NAV3: variants seen among roughly 807,000 people sequenced by gnomAD.
NAV3 encodes the protein pore membrane and/or filament interacting like protein 1.
Under a neutral mutation model 244.7 loss-of-function variants are expected in NAV3, and 87 were observed. That is an observed-to-expected ratio of 0.36 (90% CI 0.30 to 0.42). NAV3 has a LOEUF of 0.42. Among genes scored for constraint, NAV3 ranks in the 20% least tolerant of loss-of-function variants. The pLI is 1.00. For missense variants in NAV3, 2,663 were observed against 2,893.3 expected, an observed-to-expected ratio of 0.92 and a Z score of 1.83; for synonymous variants, 1,126 against 1,042.2, an observed-to-expected ratio of 1.08 and a Z score of -1.55.
intron 12 of NAV3, among the ~76,000 whole-genome samples, chr12:78,100,643 G>A (rs1954491328): frequency 6.6e-6 from 1 of 151,834 alleles, no homozygotes; most frequent in South Asian, 2.1e-4. Context: ...TCATTTTACT[G>A]CTCAATACTA....
chr12:77,762,605 A>G, intron 2 of NAV3, among the ~76,000 whole-genome samples: 1 of 151,954 alleles, frequency 6.6e-6, no homozygotes, highest in Non-Finnish European at 1.5e-5. Context: ...CCGCCTCAAA[A>G]AAGAAAAAAA....
At chr12:77,734,594 T>A (rs970124634) in intron 2 of NAV3, among the ~76,000 whole-genome samples, 1 of 152,182 alleles carries the variant, frequency 6.6e-6, no homozygotes, top group African/African-American at 2.4e-5. Context: ...GAGCAGATGA[T>A]CTACAACCTG....
In NAV3 at chr12:77,862,001, C is replaced by T. The variant is rs1488623221; in HGVS notation, c.243+30297C>T. Among the ~76,000 whole-genome samples the T allele has an allele frequency of 4.0e-5, 6 of 151,802 alleles. No homozygotes were observed. The East Asian group carries it at 9.7e-4, about 24-fold the overall frequency. ...TACTATCGAAAGTCAAGAAGGTATT[C>T]CACACACACATGAATATACTTTTCT... On this transcript the variant is annotated intron_variant, in intron 1 of 39. Transcript: ENST00000397909.
intron 5 of NAV3, among the ~76,000 whole-genome samples, chr12:77,984,995 T>G (rs1870234494): frequency 6.6e-6 from 1 of 152,136 alleles, no homozygotes; most frequent in Non-Finnish European, 1.5e-5. Flanking sequence ...TTTTTGTATT[T>G]TTAGTACAGA....
At chr12:77,797,764 G>A (rs1201730341) in intron 2 of NAV3, among the ~76,000 whole-genome samples, 1 of 151,286 alleles carries the variant, frequency 6.6e-6, no homozygotes, top group Admixed American at 6.6e-5. Context: ...TTGCTTGAAC[G>A]TGAGGCAGAG....
intron 24 of NAV3, among the ~76,000 whole-genome samples, chr12:78,171,574 A>T (rs1957999375): frequency 6.6e-6 from 1 of 151,590 alleles, no homozygotes; most frequent in Non-Finnish European, 1.5e-5. Context: ...TATATATAGG[A>T]TAGTTAGATT....
chr12:78,113,648 C>A (rs942622325), intron 12 of NAV3, among the ~76,000 whole-genome samples: 5 of 152,090 alleles, frequency 3.3e-5, no homozygotes, highest in African/African-American at 1.2e-4. Flanking sequence ...GGACCCAGCC[C>A]ACAAAACCAA....
intron 2 of NAV3, among the ~76,000 whole-genome samples, chr12:77,784,540 A>G (rs538001414): frequency 1.3e-5 from 2 of 152,302 alleles, no homozygotes; most frequent in Non-Finnish European, 2.9e-5. Flanking sequence ...TGCTTTGGGT[A>G]GGGCAGGGAA....
At chr12:77,932,538 G>T (rs949697818) in intron 1 of NAV3, among the ~76,000 whole-genome samples, 2 of 152,062 alleles carry the variant, frequency 1.3e-5, no homozygotes, top group Non-Finnish European at 2.9e-5. Flanking sequence ...AAGATTTTTT[G>T]TTCTTGCTGT....
chr12:77,779,315 C>A (rs1276666878), intron 2 of NAV3, among the ~76,000 whole-genome samples: 1 of 152,182 alleles, frequency 6.6e-6, no homozygotes, highest in East Asian at 1.9e-4. Flanking sequence ...GGTGTAAAAC[C>A]AACCATTCCA....
In NAV3 at chr12:78,113,883, A is replaced by T. The variant is rs2694677; in HGVS notation, c.2637-2889A>T. Reference sequence around the variant, plus strand: ...ACTTTTATGCTCTGCTTCCCTTTTAAAATTAAGTTCCAATTCCAAACCATA... The same window carrying T: ...ACTTTTATGCTCTGCTTCCCTTTTATAATTAAGTTCCAATTCCAAACCATA... On this transcript the variant is annotated intron_variant, in intron 12 of 39. Transcript: ENST00000397909. Among the ~76,000 whole-genome samples, 640 of 152,160 alleles carry T rather than the reference A, an allele frequency of 4.2e-3. 2 individuals are homozygous for T. The highest frequency in any genetic ancestry group is 6.6e-3 in the Non-Finnish European group (447 of 68,004).
chr12:78,156,240 TATTA>T (rs539182472), intron 22 of NAV3, among the ~76,000 whole-genome samples: 9 of 152,250 alleles, frequency 5.9e-5, no homozygotes, highest in African/African-American at 1.9e-4. Context: ...CAGCACCATT[TATTA>T]ATTGTTTTTT....
At chr12:78,149,859 T>A (rs928852142) in intron 22 of NAV3, among the ~76,000 whole-genome samples, 2 of 152,100 alleles carry the variant, frequency 1.3e-5, no homozygotes, top group Admixed American at 6.6e-5. Flanking sequence ...AAATTTTTTT[T>A]AAGCTATCAT....
intron 8 of NAV3, among the ~76,000 whole-genome samples, chr12:78,009,569 C>T (rs1001398127): frequency 3.3e-5 from 5 of 151,606 alleles, no homozygotes; most frequent in Non-Finnish European, 5.9e-5. Flanking sequence ...AATGCCACCA[C>T]TGATCAGTTG....
chr12:77,585,473 T>G (rs1256762920), intron 2 of NAV3, among the ~76,000 whole-genome samples: 1 of 137,156 alleles, frequency 7.3e-6, no homozygotes, highest in East Asian at 2.1e-4. Flanking sequence ...GAAAATTTCT[T>G]GTTAAGAAAG....
intron 2 of NAV3, among the ~76,000 whole-genome samples, chr12:77,805,259 A>G (rs546708144): frequency 6.6e-6 from 1 of 152,314 alleles, no homozygotes; most frequent in East Asian, 1.9e-4. Flanking sequence ...TTCAAAGGAA[A>G]TGCTTCCAGC....
chr12:77,872,027 T>C (rs992273639), intron 1 of NAV3, among the ~76,000 whole-genome samples: 1 of 152,352 alleles, frequency 6.6e-6, no homozygotes, highest in African/African-American at 2.4e-5. Flanking sequence ...TTTGGGTTTC[T>C]CTAATGACCG....
chr12:77,607,972 T>A (rs1870746912), intron 2 of NAV3, among the ~76,000 whole-genome samples: 1 of 152,144 alleles, frequency 6.6e-6, no homozygotes, highest in South Asian at 2.1e-4. Context: ...GTGGTTGAAC[T>A]ATAATGATGT....
intron 2 of NAV3, among the ~76,000 whole-genome samples, chr12:77,732,350 G>A (rs1391306699): frequency 6.6e-6 from 1 of 151,886 alleles, no homozygotes; most frequent in East Asian, 1.9e-4. Flanking sequence ...ATACACACAG[G>A]GAAAATTCCT....
Sources: allele counts gnomAD v4.1 joint callset (sites outside exome capture counted in the v4.1 genomes callset), GRCh38; gene constraint gnomAD v4.1.1; transcripts MANE v1.5; gene names NCBI Gene and HGNC (gene_info 2026-07-23, HGNC 2026-07-21).